Variants in FOXP1 observed in about 807,000 individuals in gnomAD.
FOXP1 encodes the protein forkhead box protein P1.
A neutral mutation model predicts 98.2 loss-of-function variants in FOXP1; 15 were observed. The observed-to-expected ratio is 0.15, with a 90% confidence interval of 0.10 to 0.24. The LOEUF is 0.24. Among genes scored for constraint, FOXP1 ranks in the 10% least tolerant of loss-of-function variants. The pLI is 1.00. For synonymous variants in FOXP1, 371 were observed against 314.5 expected, an observed-to-expected ratio of 1.18 and a Z score of -1.90; for missense variants, 633 against 848.5, an observed-to-expected ratio of 0.75 and a Z score of 3.15.
intron 7 of FOXP1, among the ~76,000 whole-genome samples, chr3:71,081,604 C>G (rs920026960): frequency 7.2e-5 from 11 of 152,202 alleles, no homozygotes; most frequent in African/African-American, 2.7e-4. Flanking sequence ...GCCTCCAACA[C>G]TTAGAACTGC....
intron 16 of FOXP1, 54 bp from the exon 17 acceptor site, chr3:70,977,096 C>A (rs2037726064): frequency 8.6e-7 from 1 of 1,168,130 alleles, no homozygotes; most frequent in Admixed American, 1.7e-5. Context: ...GCAGAGTCGT[C>A]ATTCCACAGT....
intron 6 of FOXP1, among the ~76,000 whole-genome samples, chr3:71,172,613 C>T (rs915415380): frequency 5.3e-5 from 8 of 152,178 alleles, no homozygotes; most frequent in Non-Finnish European, 1.0e-4. Flanking sequence ...GTCACCAGGA[C>T]AGAAGGCAGG....
At chr3:71,546,971 G>C (rs1028204885) in intron 2 of FOXP1, among the ~76,000 whole-genome samples, 2 of 152,192 alleles carry the variant, frequency 1.3e-5, no homozygotes, top group Non-Finnish European at 2.9e-5. Context: ...CAGAGAGGAA[G>C]AGAGAAAGGA....
chr3:71,235,807 C>A (rs940139307), intron 5 of FOXP1, among the ~76,000 whole-genome samples: 1 of 152,140 alleles, frequency 6.6e-6, no homozygotes, highest in African/African-American at 2.4e-5. Flanking sequence ...ACCTCATGAT[C>A]CACCCGCCTC....
At chr3:71,148,606 T>C (rs535363324) in intron 6 of FOXP1, among the ~76,000 whole-genome samples, 2 of 152,370 alleles carry the variant, frequency 1.3e-5, no homozygotes, top group East Asian at 3.9e-4. Flanking sequence ...AATGCATTAC[T>C]GTCTTCTTCC....
chr3:71,196,950 G>A (rs774799213), intron 6 of FOXP1, among the ~76,000 whole-genome samples: 5 of 152,140 alleles, frequency 3.3e-5, no homozygotes, highest in Non-Finnish European at 7.4e-5. Context: ...CTTTCGCTTT[G>A]TTGCATCTTT....
At position 71,358,917 on chromosome 3, in the gene FOXP1, C is replaced by T. The variant is rs560207598; in HGVS notation, c.-73+233G>A. 1.5e-4 allele frequency among the ~76,000 whole-genome samples: 23 copies of T among 152,270 alleles called. No individual in the cohort carries two copies. The East Asian group carries it at 2.9e-3, about 19-fold the overall frequency. ...CCCTTACAAATTTTACCAACCCCTG[C>T]ATTAGGTCACCTTCCCACAAATATG... On this transcript the variant is annotated intron_variant, in intron 4 of 20. Transcript: ENST00000649528.
intron 2 of FOXP1, among the ~76,000 whole-genome samples, chr3:71,505,414 GCTT>G: frequency 7.8e-6 from 1 of 127,616 alleles, no homozygotes. Context: ...GAAGAGGGAT[GCTT>G]TTTTTTTTTT....
rs139045238 is a variant in FOXP1, at chr3:71,394,058, T to G, written c.-167-34814A>C. Among the ~76,000 whole-genome samples the G allele has an allele frequency of 3.6e-3, 553 of 152,228 alleles. 2 individuals are homozygous for G. The highest frequency in any genetic ancestry group is 0.013 in the African/African-American group (521 of 41,532). ...AGAGCAAGAGTTTCTGAGAAGCACA[T>G]GGAAACAAAAGCCAACTATGCCTGC... On this transcript the variant is annotated intron_variant, in intron 3 of 20. Transcript: ENST00000649528.
chr3:71,179,523 C>G (rs1452764563), intron 6 of FOXP1, among the ~76,000 whole-genome samples: 1 of 152,094 alleles, frequency 6.6e-6, no homozygotes, highest in African/African-American at 2.4e-5. Flanking sequence ...CCACTTGAAA[C>G]CAAGAACATG....
intron 2 of FOXP1, chr3:71,571,001 T>C (rs990484795): frequency 1.3e-5 from 2 of 152,252 alleles, no homozygotes. Context: ...TTTCCTTCTC[T>C]CGTAGACTTC....
At chr3:71,444,284 C>T (rs528451870) in intron 3 of FOXP1, among the ~76,000 whole-genome samples, 8 of 152,190 alleles carry the variant, frequency 5.3e-5, no homozygotes, top group Admixed American at 1.3e-4. Context: ...GGCCCTCCTA[C>T]AAAGGTGCAC....
intron 3 of FOXP1, among the ~76,000 whole-genome samples, chr3:71,392,637 C>A (rs1029257473): frequency 1.3e-5 from 2 of 152,206 alleles, no homozygotes; most frequent in African/African-American, 4.8e-5. Context: ...TACAAAAATA[C>A]TTAAACTTTG....
intron 5 of FOXP1, among the ~76,000 whole-genome samples, chr3:71,282,521 A>C (rs2071681052): frequency 6.6e-6 from 1 of 152,148 alleles, no homozygotes; most frequent in African/African-American, 2.4e-5. Context: ...GCTGTGTATA[A>C]AACATTGCTC....
At chr3:71,040,737 T>G (rs1181567176) in intron 11 of FOXP1, among the ~76,000 whole-genome samples, 1 of 152,148 alleles carries the variant, frequency 6.6e-6, no homozygotes, top group Non-Finnish European at 1.5e-5. Context: ...GTGCTGTGTC[T>G]GTTTATGTGA....
chr3:71,345,171 C>T (rs1452105218), intron 4 of FOXP1, among the ~76,000 whole-genome samples: 1 of 152,156 alleles, frequency 6.6e-6, no homozygotes, highest in Non-Finnish European at 1.5e-5. Context: ...AGGCAGATCT[C>T]AAAGTCAGGA....
intron 5 of FOXP1, among the ~76,000 whole-genome samples, chr3:71,203,000 C>A (rs1375216868): frequency 1.3e-5 from 2 of 152,136 alleles, no homozygotes; most frequent in Non-Finnish European, 1.5e-5. Context: ...GAATAACTAA[C>A]TCTATAACTA....
intron 11 of FOXP1, 146 bp downstream of exon 11, chr3:71,041,182 C>A (rs555447871): frequency 4.1e-6 from 3 of 738,886 alleles, no homozygotes; most frequent in South Asian, 1.5e-5. Flanking sequence ...CACACCCAAA[C>A]CATACTGAAT....
At chr3:71,102,129 T>C (rs1448873492) in intron 7 of FOXP1, among the ~76,000 whole-genome samples, 3 of 152,056 alleles carry the variant, frequency 2.0e-5, no homozygotes, top group Non-Finnish European at 4.4e-5. Context: ...CACCAAAAGT[T>C]CAAAATGGGA....
Sources: allele counts gnomAD v4.1 joint callset (sites outside exome capture counted in the v4.1 genomes callset), GRCh38; gene constraint gnomAD v4.1.1; transcripts MANE v1.5; gene names NCBI Gene and HGNC (gene_info 2026-07-23, HGNC 2026-07-21).